Variants in IL1RAPL1 observed in about 807,000 individuals in gnomAD.
IL1RAPL1 encodes the protein interleukin 1 receptor accessory protein like 1.
Under a neutral mutation model 48.4 loss-of-function variants are expected in IL1RAPL1, and 3 were observed. The observed-to-expected ratio is 0.06, with a 90% CI of 0.03 to 0.16. IL1RAPL1 has a LOEUF of 0.16. IL1RAPL1 is among the 10% of genes least tolerant of loss of function. The pLI is 1.00. For synonymous variants in IL1RAPL1, 185 were observed against 187.7 expected (o/e 0.99, Z 0.12); for missense variants, 349 against 530.6 (o/e 0.66, Z 3.36).
At chrX:29,437,139 G>A (rs1934490749) in intron 5 of IL1RAPL1, among the ~76,000 whole-genome samples, 1 of 110,562 alleles carries the variant, frequency 9.0e-6, no homozygotes, top group African/African-American at 3.3e-5. Context: ...TTATTTGTGG[G>A]ACTTTTTATA....
chrX:29,151,035 C>T (rs1438049834), intron 2 of IL1RAPL1, among the ~76,000 whole-genome samples: 2 of 111,384 alleles, frequency 1.8e-5, no homozygotes, highest in Non-Finnish European at 3.8e-5. Context: ...TCCAGGATTT[C>T]CTGGCTCCAA....
intron 5 of IL1RAPL1, among the ~76,000 whole-genome samples, chrX:29,604,806 G>C (rs189257887): frequency 1.8e-5 from 2 of 110,707 alleles, no homozygotes; most frequent in Admixed American, 1.9e-4. Flanking sequence ...CCTACAGAAG[G>C]TGCTGTTGGT....
rs960717572 is a variant in IL1RAPL1, at chrX:29,121,733, C to T, written c.83-161205C>T. On this transcript the variant is annotated intron_variant, in intron 2 of 10. Coordinates refer to ENST00000378993, the MANE Select transcript of IL1RAPL1 (RefSeq NM_014271.4). ...ATAATCCACAATAATCTCCTCATCT[C>T]AAATTCTTAACCTTAATCACGTCTG... is the stretch of plus-strand genomic sequence containing the variant. Among the ~76,000 whole-genome samples, 7 of 111,889 alleles carry T rather than the reference C, an allele frequency of 6.3e-5. No individual in the cohort carries two copies. In the Admixed American group the frequency reaches 6.7e-4, roughly 11 times the overall value.
chrX:28,614,312 G>A (rs1226342824), intron 1 of IL1RAPL1, among the ~76,000 whole-genome samples: 1 of 110,619 alleles, frequency 9.0e-6, no homozygotes, highest in Non-Finnish European at 1.9e-5. Context: ...AACACTGCAC[G>A]GTTCCATGTG....
intron 2 of IL1RAPL1, among the ~76,000 whole-genome samples, chrX:29,260,738 A>C (rs1931840719): frequency 9.0e-6 from 1 of 111,106 alleles, no homozygotes; most frequent in Non-Finnish European, 1.9e-5. Context: ...CACAATCACA[A>C]GATTAATGGA....
At chrX:29,611,629 G>T (rs191789075) in intron 5 of IL1RAPL1, among the ~76,000 whole-genome samples, 9,083 of 111,316 alleles carry the variant, frequency 0.082, 364 homozygotes, top group Middle Eastern at 0.19. Context: ...ATATTTTAGA[G>T]TTTTACTCTT....
At chrX:29,107,435 C>T (rs983880211) in intron 2 of IL1RAPL1, among the ~76,000 whole-genome samples, 12 of 112,096 alleles carry the variant, frequency 1.1e-4, no homozygotes, top group South Asian at 3.7e-4. Context: ...ATTGAAAACA[C>T]TTTGCATTTG....
intron 6 of IL1RAPL1, among the ~76,000 whole-genome samples, chrX:29,877,860 A>T (rs1380617096): frequency 8.9e-6 from 1 of 111,964 alleles, no homozygotes; most frequent in Admixed American, 9.5e-5. Flanking sequence ...GACCAAAATC[A>T]TCATGGAAAA....
intron 8 of IL1RAPL1, among the ~76,000 whole-genome samples, chrX:29,932,373 T>C (rs1932961343): frequency 8.9e-6 from 1 of 112,487 alleles, no homozygotes; most frequent in Non-Finnish European, 1.9e-5. Flanking sequence ...TGTACTGACC[T>C]AACTTTGCGA....
intron 1 of IL1RAPL1, among the ~76,000 whole-genome samples, chrX:28,720,271 C>A (rs916467235): frequency 1.8e-5 from 2 of 111,099 alleles, no homozygotes; most frequent in South Asian, 3.8e-4. Context: ...TCTGAGATAA[C>A]CAACTTGCTC....
At chrX:29,183,223 C>T (rs1159215071) in intron 2 of IL1RAPL1, among the ~76,000 whole-genome samples, 6 of 111,324 alleles carry the variant, frequency 5.4e-5, no homozygotes, top group Admixed American at 1.9e-4. Context: ...TATACTGTTT[C>T]CTGTGGAGAT....
At chrX:29,267,261 A>G (rs987403937) in intron 2 of IL1RAPL1, among the ~76,000 whole-genome samples, 4 of 112,114 alleles carry the variant, frequency 3.6e-5, no homozygotes, top group Non-Finnish European at 7.5e-5. Context: ...TTCCTAGGAA[A>G]AGTTAACACT....
chrX:28,780,588 A>G (rs1443312082), intron 1 of IL1RAPL1, among the ~76,000 whole-genome samples: 1 of 108,662 alleles, frequency 9.2e-6, no homozygotes, highest in Non-Finnish European at 1.9e-5. Flanking sequence ...CAGATTCTGG[A>G]AAAAAAGTAA....
chrX:29,627,029 A>AT (rs1289168404), intron 5 of IL1RAPL1, among the ~76,000 whole-genome samples: 2 of 112,587 alleles, frequency 1.8e-5, no homozygotes, highest in African/African-American at 3.2e-5. Flanking sequence ...AAAAGTTCAT[A>AT]TGTATGTATT....
At chrX:29,238,001 A>G (rs1459554783) in intron 2 of IL1RAPL1, among the ~76,000 whole-genome samples, 1 of 112,512 alleles carries the variant, frequency 8.9e-6, no homozygotes, top group Non-Finnish European at 1.9e-5. Context: ...AGGAAACGAA[A>G]TGAGAACAGC....
rs557919800 is a variant in IL1RAPL1 at position 28,593,023 on chromosome X, C to T, written c.-25+4976C>T. ...TTTATTTGACAAATTCAGCTAATCACCTTACAAATATGCTTTTAATTTTCA... is the reference window on the plus strand; with the variant it reads ...TTTATTTGACAAATTCAGCTAATCATCTTACAAATATGCTTTTAATTTTCA... On this transcript the variant is annotated intron_variant, in intron 1 of 10. Coordinates refer to ENST00000378993, the MANE Select transcript of IL1RAPL1 (RefSeq NM_014271.4). Among the ~76,000 whole-genome samples the T allele has an allele frequency of 8.9e-5, 10 of 111,853 alleles. No homozygotes were observed. The South Asian group carries it at 3.7e-3, about 41-fold the overall frequency.
At chrX:29,146,928 G>C (rs765329404) in intron 2 of IL1RAPL1, among the ~76,000 whole-genome samples, 2 of 112,246 alleles carry the variant, frequency 1.8e-5, no homozygotes, top group East Asian at 5.6e-4. Flanking sequence ...ACCTAACTCT[G>C]AGAAGAAAAA....
intron 5 of IL1RAPL1, among the ~76,000 whole-genome samples, chrX:29,440,288 C>T (rs1934534118): frequency 9.0e-6 from 1 of 110,668 alleles, no homozygotes; most frequent in African/African-American, 3.3e-5. Context: ...CCTGATATTC[C>T]ATGTATTCAC....
intron 5 of IL1RAPL1, among the ~76,000 whole-genome samples, chrX:29,498,630 C>T (rs1935240302): frequency 9.1e-6 from 1 of 110,145 alleles, no homozygotes; most frequent in African/African-American, 3.3e-5. Flanking sequence ...TAAAAATTAG[C>T]ACAGATAGAA....
Sources: allele counts gnomAD v4.1 joint callset (sites outside exome capture counted in the v4.1 genomes callset), GRCh38; gene constraint gnomAD v4.1.1; transcripts MANE v1.5; gene names NCBI Gene and HGNC (gene_info 2026-07-23, HGNC 2026-07-21).